The following NFIA variants were observed in gnomAD, a reference collection of about 807,000 sequenced individuals.
NFIA encodes nuclear factor 1 A-type.
Under a neutral mutation model 62.8 loss-of-function variants are expected in NFIA, and 8 were observed. That is an observed-to-expected ratio of 0.13 (90% CI 0.07 to 0.23). The LOEUF (loss-of-function observed/expected upper bound fraction) is 0.23. Among genes scored for constraint, NFIA ranks in the 10% least tolerant of loss-of-function variants. NFIA has a pLI of 1.00. For missense variants in NFIA, 410 were observed against 642.1 expected (o/e 0.64, Z 3.91); for synonymous variants, 235 against 238.1 (o/e 0.99, Z 0.12).
intron 2 of NFIA, among the ~76,000 whole-genome samples, chr1:61,197,445 G>T (rs1652108569): frequency 6.6e-6 from 1 of 150,878 alleles, no homozygotes; most frequent in Non-Finnish European, 1.5e-5. Flanking sequence ...CACTGAGTTG[G>T]CCAGGCTGGT....
chr1:61,371,536 T>C (rs928665542), intron 6 of NFIA, among the ~76,000 whole-genome samples: 2 of 152,194 alleles, frequency 1.3e-5, no homozygotes, highest in Non-Finnish European at 2.9e-5. Flanking sequence ...GGCAGTACAT[T>C]CGAAGACTTT....
intron 6 of NFIA, among the ~76,000 whole-genome samples, chr1:61,370,121 C>T (rs992306969): frequency 2.6e-5 from 4 of 152,200 alleles, no homozygotes; most frequent in Admixed American, 1.3e-4. Flanking sequence ...GTGTGCAGCA[C>T]GCTGCTGTGC....
chr1:61,143,575 C>T (rs1305098326), intron 2 of NFIA, among the ~76,000 whole-genome samples: 1 of 151,976 alleles, frequency 6.6e-6, no homozygotes. Context: ...TTTTTTTGTA[C>T]AGATGGGGTT....
chr1:61,270,867 C>T (rs921493797), intron 2 of NFIA, among the ~76,000 whole-genome samples: 2 of 152,138 alleles, frequency 1.3e-5, no homozygotes, highest in African/African-American at 4.8e-5. Context: ...GAACACAGCG[C>T]CTCTTATGGG....
At chr1:61,393,051 TC>T (rs1047847975) in intron 7 of NFIA, among the ~76,000 whole-genome samples, 2 of 151,870 alleles carry the variant, frequency 1.3e-5, no homozygotes, top group African/African-American at 2.4e-5. Flanking sequence ...TTTTAAGACT[TC>T]CTGGTATCGT....
intron 2 of NFIA, among the ~76,000 whole-genome samples, chr1:61,233,470 G>T (rs1383325204): frequency 6.6e-6 from 1 of 152,182 alleles, no homozygotes; most frequent in African/African-American, 2.4e-5. Context: ...GCAACATGCT[G>T]CAGGTATTTG....
intron 2 of NFIA, among the ~76,000 whole-genome samples, chr1:61,273,066 G>A (rs566979329): frequency 4.6e-4 from 70 of 152,308 alleles, no homozygotes; most frequent in African/African-American, 1.1e-3. Flanking sequence ...GGTTGCTATC[G>A]TGTTGATGGA....
chr1:61,296,672 T>C lies in NFIA; in HGVS notation c.625+19087T>C, dbSNP rs572618675. ...GAGTACCTTGTGATTCCAACTCTTA[T>C]CTCTGCTTTTGAGCCTCGATTTCTA... On this transcript the variant is annotated intron_variant, in intron 3 of 10. Coordinates refer to ENST00000403491, the MANE Select transcript of NFIA (RefSeq NM_001134673.4). Among the ~76,000 whole-genome samples the C allele has an allele frequency of 3.3e-5, 5 of 152,294 alleles. No homozygotes were observed. The South Asian group carries it at 6.2e-4, about 19-fold the overall frequency.
At chr1:61,259,387 C>T (rs1258468493) in intron 2 of NFIA, among the ~76,000 whole-genome samples, 1 of 152,190 alleles carries the variant, frequency 6.6e-6, no homozygotes, top group Non-Finnish European at 1.5e-5. Flanking sequence ...CCATTCAAGG[C>T]TCACTTATTG....
chr1:61,130,652 C>T, intron 2 of NFIA, among the ~76,000 whole-genome samples: 1 of 152,154 alleles, frequency 6.6e-6, no homozygotes, highest in East Asian at 1.9e-4. Flanking sequence ...CTCTTACCTC[C>T]CTGTGTGTGT....
At chr1:61,132,971 CTG>C (rs1647108005) in intron 2 of NFIA, 1 of 152,258 alleles carries the variant, frequency 6.6e-6, no homozygotes, top group East Asian at 1.9e-4. Flanking sequence ...CTTTTTAAGA[CTG>C]TGCTTTGTGT....
At chr1:61,200,363 C>T (rs1452403673) in intron 2 of NFIA, among the ~76,000 whole-genome samples, 2 of 151,592 alleles carry the variant, frequency 1.3e-5, no homozygotes, top group East Asian at 1.9e-4. Flanking sequence ...TTGAAAGTAC[C>T]CATTAGAGGT....
At position 61,121,780 on chromosome 1, in the gene NFIA, C is replaced by G. The variant is rs1184033738; in HGVS notation, c.559+33100C>G. ...GTATTTTGATAAAACAAAATGTTCA[C>G]TAGCTGGACCCTGGTGGTGATAGCA... On this transcript the variant is annotated intron_variant, in intron 2 of 10. Transcript: ENST00000403491. 2.0e-5 allele frequency among the ~76,000 whole-genome samples: 3 copies of G among 152,146 alleles called. No homozygotes were observed. In the East Asian group the frequency reaches 5.8e-4, roughly 29 times the overall value.
At chr1:61,417,633 C>T (rs143583920) in intron 9 of NFIA, among the ~76,000 whole-genome samples, 2 of 151,920 alleles carry the variant, frequency 1.3e-5, no homozygotes, top group East Asian at 1.9e-4. Flanking sequence ...AAATTGTGTA[C>T]GAGTATGATC....
intron 3 of NFIA, among the ~76,000 whole-genome samples, chr1:61,306,102 G>A (rs1240241741): frequency 2.0e-5 from 3 of 151,482 alleles, no homozygotes; most frequent in African/African-American, 4.8e-5. Context: ...CGCCCGCCTT[G>A]GCCTCCCAAA....
chr1:61,396,358 A>T (rs985427746), intron 7 of NFIA, among the ~76,000 whole-genome samples: 2 of 152,088 alleles, frequency 1.3e-5, no homozygotes, highest in African/African-American at 4.8e-5. Flanking sequence ...CAATCCTCCC[A>T]CCTCAGCCTC....
intron 2 of NFIA, among the ~76,000 whole-genome samples, chr1:61,220,079 G>A (rs534582549): frequency 6.6e-6 from 1 of 152,322 alleles, no homozygotes; most frequent in South Asian, 2.1e-4. Context: ...AGGGAGGCAT[G>A]TTTTATGCCC....
intron 3 of NFIA, among the ~76,000 whole-genome samples, chr1:61,324,850 A>G (rs1660848084): frequency 6.6e-6 from 1 of 152,188 alleles, no homozygotes; most frequent in South Asian, 2.1e-4. Flanking sequence ...AGCTTTTTAT[A>G]TTTCTACCTC....
intron 10 of NFIA, among the ~76,000 whole-genome samples, chr1:61,431,623 C>T (rs1244487136): frequency 6.6e-6 from 1 of 152,262 alleles, no homozygotes; most frequent in Non-Finnish European, 1.5e-5. Flanking sequence ...GCCTGACTTG[C>T]AAGCAGTGTG....
Sources: allele counts gnomAD v4.1 joint callset (sites outside exome capture counted in the v4.1 genomes callset), GRCh38; gene constraint gnomAD v4.1.1; transcripts MANE v1.5; gene names NCBI Gene and HGNC (gene_info 2026-07-23, HGNC 2026-07-21).